The following CADPS2 variants were observed in gnomAD, a reference collection of about 807,000 sequenced individuals.
CADPS2 encodes the protein calcium dependent secretion activator 2, also known as calcium-dependent secretion activator 2.
CADPS2 carries 93 observed loss-of-function variants against 172.5 expected under a neutral mutation model. That is an observed-to-expected ratio of 0.54 (90% CI 0.46 to 0.64). The LOEUF is 0.64. CADPS2 is among the 30% of genes least tolerant of loss of function. CADPS2 has a pLI of 0.00. For missense variants in CADPS2, 1,420 were observed against 1,565.9 expected, an observed-to-expected ratio of 0.91 and a Z score of 1.57; for synonymous variants, 546 against 555.2, an observed-to-expected ratio of 0.98 and a Z score of 0.23.
At chr7:122,441,746 A>T (rs996268180) in intron 15 of CADPS2, among the ~76,000 whole-genome samples, 171 bp from the exon 16 acceptor site, 1 of 152,200 alleles carries the variant, frequency 6.6e-6, no homozygotes, top group African/African-American at 2.4e-5. Flanking sequence ...ACCTAACCCT[A>T]GGATTTCAAA....
chr7:122,617,016 G>A (rs1563866347), intron 5 of CADPS2, among the ~76,000 whole-genome samples: 3 of 152,254 alleles, frequency 2.0e-5, no homozygotes, highest in East Asian at 3.9e-4. Context: ...GAAATCGTAA[G>A]AGCATTGCTT....
At chr7:122,607,094 A>G (rs2073671864) in intron 6 of CADPS2, among the ~76,000 whole-genome samples, 1 of 152,166 alleles carries the variant, frequency 6.6e-6, no homozygotes, top group Admixed American at 6.6e-5. Context: ...ACCAACTGCA[A>G]TCCTAAACAA....
intron 8 of CADPS2, among the ~76,000 whole-genome samples, chr7:122,541,977 ATAG>A (rs975654865): frequency 2.5e-4 from 38 of 150,682 alleles, no homozygotes; most frequent in African/African-American, 5.3e-4. Flanking sequence ...CATATGTGTA[ATAG>A]TAGCATAAAA....
At chr7:122,694,649 T>C (rs533594003) in intron 2 of CADPS2, among the ~76,000 whole-genome samples, 1 of 152,308 alleles carries the variant, frequency 6.6e-6, no homozygotes, top group African/African-American at 2.4e-5. Context: ...TTTTCTAAAG[T>C]ACACTCCCTT....
Position 122,785,541 on chromosome 7 carries a change from G to A in CADPS2, c.340-48473C>T, listed in dbSNP as rs578239746. Among the ~76,000 whole-genome samples, 44 of 152,266 alleles carry A rather than the reference G, an allele frequency of 2.9e-4. No individual in the cohort carries two copies. In the East Asian group the frequency reaches 3.3e-3, roughly 11 times the overall value. ...GCCCTAAAGGGTCTGAATCTTACTT[G>A]TGTGAGATGTGTAAAAACGAGAAGC... On this transcript the variant is annotated intron_variant, in intron 1 of 29. Coordinates refer to ENST00000449022, the MANE Select transcript of CADPS2 (RefSeq NM_017954.11).
rs1489177432 is a variant in CADPS2 at position 122,680,391 on chromosome 7, T to A, written c.454-16822A>T. 2.0e-5 allele frequency among the ~76,000 whole-genome samples: 3 copies of A among 152,342 alleles called. No individual in the cohort carries two copies. In the East Asian group the frequency reaches 5.8e-4, roughly 29 times the overall value. ...CCAACTTTTCTAAATCCCTTATGAT[T>A]AATCTAAACCCCTCATATCAAATCT... is the stretch of plus-strand genomic sequence containing the variant. On this transcript the variant is annotated intron_variant, in intron 2 of 29. Coordinates refer to ENST00000449022, the MANE Select transcript of CADPS2 (RefSeq NM_017954.11).
At chr7:122,828,353 T>C (rs1805542599) in intron 1 of CADPS2, among the ~76,000 whole-genome samples, 2 of 152,092 alleles carry the variant, frequency 1.3e-5, no homozygotes, top group Admixed American at 1.3e-4. Context: ...GGTTCCTTTT[T>C]TTTTTATCCA....
At chr7:122,598,369 T>C (rs191935916) in intron 6 of CADPS2, among the ~76,000 whole-genome samples, 34 of 152,180 alleles carry the variant, frequency 2.2e-4, no homozygotes, top group Non-Finnish European at 3.4e-4. Flanking sequence ...ATTTAAAAAG[T>C]AGTTTCTCCA....
At position 122,416,072 on chromosome 7, in the gene CADPS2, G is replaced by C; in HGVS notation, c.2569C>G (p.His857Asp). Residue 857 changes from histidine (H) to aspartate (D), a missense_variant, in exon 18 of 30, where the codon CAT (histidine) becomes GAT (aspartate). His to Asp is a moderately conservative substitution (Grantham distance 81). Transcript: ENST00000449022. The stretch of plus-strand genomic sequence containing the variant: ...AAACAGGTCATCACCTCTGCATGAT[G>C]CTCTTCATTCTGCTGTAAGACTTCT... ...CIEVLQQNEE[H>D]HAEGREAFAW... is the part of the protein sequence containing the mutation. The C allele has an allele frequency of 1.3e-6, 2 of 1,528,944 alleles. No homozygotes were observed. The highest frequency in any genetic ancestry group is 1.8e-6 in the Non-Finnish European group (2 of 1,129,446). The allele number at this position is 1,528,944 out of a possible 1,614,324, so 94.7% of individuals were successfully genotyped here. A position where few individuals can be genotyped will look rare whatever the true frequency, so the allele number is the denominator to read the frequency against.
chr7:122,448,061 A>G (rs991006696), intron 15 of CADPS2, among the ~76,000 whole-genome samples: 2 of 152,158 alleles, frequency 1.3e-5, no homozygotes, highest in African/African-American at 4.8e-5. Flanking sequence ...TGTTTTCCAG[A>G]TATCAGTATT....
At chr7:122,861,774 A>G (rs1817012257) in intron 1 of CADPS2, among the ~76,000 whole-genome samples, 1 of 152,276 alleles carries the variant, frequency 6.6e-6, no homozygotes, top group Non-Finnish European at 1.5e-5. Flanking sequence ...TTGAAACATC[A>G]TAATGTATCC....
At chr7:122,815,769 T>C (rs1334057244) in intron 1 of CADPS2, among the ~76,000 whole-genome samples, 1 of 152,210 alleles carries the variant, frequency 6.6e-6, no homozygotes, top group Non-Finnish European at 1.5e-5. Context: ...GTTTCCATTT[T>C]ACTGTCAGAA....
rs1388382691 is a variant in CADPS2, at chr7:122,878,333, G to A, written c.339+7666C>T. 2.0e-5 allele frequency among the ~76,000 whole-genome samples: 3 copies of A among 150,594 alleles called. No individual in the cohort carries two copies. In the East Asian group the frequency reaches 6.0e-4, roughly 30 times the overall value. ...AAAAAATTTCTGACACATTAGAGAGGGAAATAACCACACCAGAAATTAAAA... is the reference window on the plus strand; with the variant it reads ...AAAAAATTTCTGACACATTAGAGAGAGAAATAACCACACCAGAAATTAAAA... On this transcript the variant is annotated intron_variant, in intron 1 of 29. Transcript: ENST00000449022.
At position 122,876,619 on chromosome 7, in the gene CADPS2, T is replaced by G. The variant is rs548377113; in HGVS notation, c.339+9380A>C. 1.6e-4 allele frequency among the ~76,000 whole-genome samples: 25 copies of G among 152,140 alleles called. No individual in the cohort carries two copies. In the South Asian group the frequency reaches 5.2e-3, roughly 32 times the overall value. ...CTTAAGTGATCCTTCTACCCCAGCC[T>G]CCCAAAATGCTGGGATTACATGTAT... On this transcript the variant is annotated intron_variant, in intron 1 of 29. Coordinates refer to ENST00000449022, the MANE Select transcript of CADPS2 (RefSeq NM_017954.11).
intron 8 of CADPS2, among the ~76,000 whole-genome samples, chr7:122,513,787 A>G (rs373997742): frequency 1.4e-4 from 21 of 152,318 alleles, no homozygotes; most frequent in Middle Eastern, 6.8e-3. Context: ...GCCTGCACCA[A>G]TCTCAGTCTC....
At chr7:122,676,849 C>T in intron 2 of CADPS2, 1 of 527,554 alleles carries the variant, frequency 1.9e-6, no homozygotes, top group Middle Eastern at 3.4e-4. Context: ...TTTTTTTTTT[C>T]CAGGTCACTT....
At chr7:122,883,785 T>C (rs919849327) in intron 1 of CADPS2, among the ~76,000 whole-genome samples, 15 of 152,202 alleles carry the variant, frequency 9.9e-5, no homozygotes, top group African/African-American at 3.4e-4. Flanking sequence ...AAAGTTAACC[T>C]GTGCTCAATG....
At position 122,560,956 on chromosome 7, in the gene CADPS2, G is replaced by A. The variant is rs957927704; in HGVS notation, c.1336-6267C>T. 2.0e-5 allele frequency among the ~76,000 whole-genome samples: 3 copies of A among 152,108 alleles called. No homozygotes were observed. The East Asian group carries it at 5.8e-4, about 29-fold the overall frequency. On this transcript the variant is annotated intron_variant, in intron 7 of 29. Transcript: ENST00000449022. ...CAATATCAGAACCCTTATAGTATGT[G>A]AAGATGGATCAGATGATTTGTCTAA...
At chr7:122,460,435 C>G (rs1586261804) in intron 14 of CADPS2, among the ~76,000 whole-genome samples, 2 of 151,758 alleles carry the variant, frequency 1.3e-5, no homozygotes, top group African/African-American at 4.8e-5. Flanking sequence ...CCTGAGACAC[C>G]TGCATAAAAA....
Sources: gnomAD v4.1 joint callset for allele counts (sites outside exome capture counted in the v4.1 genomes callset) on GRCh38, gnomAD v4.1.1 for gene constraint, MANE v1.5 for transcripts, NCBI Gene and HGNC (gene_info 2026-07-23, HGNC 2026-07-21) for gene names.